COBL: variants seen among roughly 807,000 people sequenced by gnomAD.
COBL encodes cordon-bleu WH2 repeat protein, also known as protein cordon-bleu.
In COBL, 51 loss-of-function variants were observed where a neutral mutation model predicts 98.8. The observed-to-expected ratio is 0.52, with a 90% CI of 0.41 to 0.65. The LOEUF (loss-of-function observed/expected upper bound fraction) is 0.65. COBL is among the 30% of genes least tolerant of loss of function. The pLI, the probability that COBL is intolerant of heterozygous loss-of-function variation, is 0.00. For missense variants in COBL, 1,617 were observed against 1,617.5 expected, an observed-to-expected ratio of 1.00 and a Z score of 0.01; for synonymous variants, 634 against 651.7, an observed-to-expected ratio of 0.97 and a Z score of 0.41.
intron 2 of COBL, among the ~76,000 whole-genome samples, chr7:51,200,523 T>C (rs1219472823): frequency 1.3e-5 from 2 of 152,206 alleles, no homozygotes; most frequent in African/African-American, 4.8e-5. Context: ...AGAGCGCCTG[T>C]ATATGATTGA....
At chr7:51,117,370 T>C (rs1797367674) in intron 6 of COBL, among the ~76,000 whole-genome samples, 1 of 151,982 alleles carries the variant, frequency 6.6e-6, no homozygotes, top group Non-Finnish European at 1.5e-5. Context: ...AAAATAAATC[T>C]TTGGGGATCT....
At chr7:51,287,002 G>T (rs1563128763) in intron 1 of COBL, among the ~76,000 whole-genome samples, 1 of 152,172 alleles carries the variant, frequency 6.6e-6, no homozygotes, top group Non-Finnish European at 1.5e-5. Flanking sequence ...GTGAATTAAT[G>T]CAGGAACAGA....
intron 1 of COBL, among the ~76,000 whole-genome samples, chr7:51,308,406 A>C: frequency 6.6e-6 from 1 of 152,212 alleles, no homozygotes; most frequent in Admixed American, 6.5e-5. Context: ...ACTCTCACAC[A>C]GACAGACAGA....
At chr7:51,285,380 GAAA>G (rs879267450) in intron 1 of COBL, among the ~76,000 whole-genome samples, 1 of 111,304 alleles carries the variant, frequency 9.0e-6, no homozygotes. Flanking sequence ...AATCTGCAAA[GAAA>G]AAAAAAAAAA....
chr7:51,125,908 G>A (rs1382788665), intron 6 of COBL, among the ~76,000 whole-genome samples: 1 of 152,174 alleles, frequency 6.6e-6, no homozygotes, highest in Non-Finnish European at 1.5e-5. Context: ...GTTTCCCAGT[G>A]AATCTTTCCA....
At chr7:51,055,697 G>A (rs1368483155) in intron 7 of COBL, among the ~76,000 whole-genome samples, 2 of 152,202 alleles carry the variant, frequency 1.3e-5, no homozygotes, top group Non-Finnish European at 2.9e-5. Flanking sequence ...GGCGACACAT[G>A]GGAGGGCTTC....
At chr7:51,109,023 T>G (rs1796598022) in intron 6 of COBL, among the ~76,000 whole-genome samples, 1 of 151,956 alleles carries the variant, frequency 6.6e-6, no homozygotes. Flanking sequence ...TTAGTCTCGG[T>G]CACCCCACCT....
chr7:51,085,044 A>G (rs1009707865), intron 7 of COBL, 122 bp downstream of exon 7: 1 of 1,379,354 alleles, frequency 7.2e-7, no homozygotes, highest in Admixed American at 2.0e-5. Flanking sequence ...TTTCTTTAGC[A>G]TTAATATTTT....
At chr7:51,259,528 G>A (rs550287031) in intron 1 of COBL, 3 of 677,270 alleles carry the variant, frequency 4.4e-6, no homozygotes, top group Middle Eastern at 4.3e-4. Flanking sequence ...GTAGCAAGAT[G>A]GGCCACTGAG....
At chr7:51,079,621 C>T (rs1793427606) in intron 7 of COBL, among the ~76,000 whole-genome samples, 1 of 152,186 alleles carries the variant, frequency 6.6e-6, no homozygotes, top group African/African-American at 2.4e-5. Flanking sequence ...GGGAGGAATT[C>T]CCACTGGAGG....
chr7:51,034,474 G>A (rs1458547783), intron 8 of COBL: 2 of 152,256 alleles, frequency 1.3e-5, no homozygotes, highest in Non-Finnish European at 2.9e-5. Context: ...TCTAGCAAAA[G>A]CCAGAGCCAA....
In COBL at chr7:51,115,798, TGA is replaced by T. The variant is rs1481171519; in HGVS notation, c.957+20358_957+20359del. On this transcript the variant is annotated intron_variant, in intron 6 of 12. Transcript: ENST00000265136. ...ATTTTTTTTGTCTAGTTGTTCTATC[TGA>T]GAGATTGTTCTCAGTCATGCTGTTC... Among the ~76,000 whole-genome samples the T allele has an allele frequency of 2.6e-5, 4 of 152,090 alleles. No homozygotes were observed. The South Asian group carries it at 6.2e-4, about 24-fold the overall frequency.
At chr7:51,277,713 A>G (rs958462763) in intron 1 of COBL, among the ~76,000 whole-genome samples, 1 of 152,136 alleles carries the variant, frequency 6.6e-6, no homozygotes, top group African/African-American at 2.4e-5. Context: ...TACACTGCCA[A>G]ATGGAGGTGG....
intron 1 of COBL, among the ~76,000 whole-genome samples, chr7:51,267,248 T>A (rs1798301003): frequency 6.6e-6 from 1 of 152,170 alleles, no homozygotes; most frequent in Non-Finnish European, 1.5e-5. Flanking sequence ...CCCAAACCCC[T>A]GCTGTAAAAA....
chr7:51,149,098 TA>T (rs961390852), intron 5 of COBL, among the ~76,000 whole-genome samples: 1 of 152,198 alleles, frequency 6.6e-6, no homozygotes, highest in African/African-American at 2.4e-5. Context: ...ATCTTCCCCA[TA>T]TGGCCCCACA....
chr7:51,056,814 C>CAA (rs1425664125), intron 7 of COBL, among the ~76,000 whole-genome samples: 1 of 134,648 alleles, frequency 7.4e-6, no homozygotes, highest in African/African-American at 3.7e-5. Flanking sequence ...GCTCTCCCAA[C>CAA]ACACACACAC....
At chr7:51,291,758 C>G (rs546813056) in intron 1 of COBL, among the ~76,000 whole-genome samples, 2 of 150,836 alleles carry the variant, frequency 1.3e-5, no homozygotes, top group African/African-American at 4.9e-5. Flanking sequence ...GAGACTCCGT[C>G]TCAAAAAAAA....
intron 1 of COBL, among the ~76,000 whole-genome samples, chr7:51,249,578 A>G (rs1796541959): frequency 6.6e-6 from 1 of 152,224 alleles, no homozygotes; most frequent in Admixed American, 6.5e-5. Flanking sequence ...CTCCAAGCAG[A>G]GAATACCCAC....
At chr7:51,131,461 C>G (rs1188868659) in intron 6 of COBL, among the ~76,000 whole-genome samples, 2 of 152,100 alleles carry the variant, frequency 1.3e-5, no homozygotes, top group Non-Finnish European at 2.9e-5. Context: ...GTTTTAAAAA[C>G]CTGCTCTGTA....
Sources: gnomAD v4.1 joint callset for allele counts (sites outside exome capture counted in the v4.1 genomes callset) on GRCh38, gnomAD v4.1.1 for gene constraint, MANE v1.5 for transcripts, NCBI Gene and HGNC (gene_info 2026-07-23, HGNC 2026-07-21) for gene names.